PEX5L: variants seen among roughly 807,000 people sequenced by gnomAD.
PEX5L encodes peroxisomal biogenesis factor 5 like.
Under a neutral mutation model 84.0 loss-of-function variants are expected in PEX5L, and 30 were observed. That is an observed-to-expected ratio of 0.36 (90% CI 0.27 to 0.48). The LOEUF (loss-of-function observed/expected upper bound fraction) is 0.48, where lower values mean the gene tolerates loss of function less well. PEX5L is among the 20% of genes least tolerant of loss of function. PEX5L has a pLI of 0.99. For missense variants in PEX5L, 533 were observed against 754.6 expected, an observed-to-expected ratio of 0.71 and a Z score of 3.44; for synonymous variants, 270 against 283.1, an observed-to-expected ratio of 0.95 and a Z score of 0.46.
Position 179,874,338 on chromosome 3 carries a change from C to T in PEX5L, c.715G>A (p.Ala239Thr). The T allele has an allele frequency of 6.2e-7, 1 of 1,600,920 alleles. No individual in the cohort carries two copies. Among genetic ancestry groups the T allele is most frequent in the Non-Finnish European group, 8.6e-7 (1 of 1,168,590 alleles). Residue 239 changes from alanine (A) to threonine (T), a missense_variant, in exon 7 of 15, where the codon GCT becomes ACT. Physicochemically the swap from Ala to Thr is moderately conservative, Grantham distance 58. Around this residue, in one of 8 missense-constraint regions of PEX5L, gnomAD observed 259 missense variants for 301.7 expected, o/e 0.86. Transcript: ENST00000467460. Reference sequence around the variant, plus strand: ...ATCAGTTTTGTTACCTGAGTCGGAGCCACTAATTCCAATTCTGAAGCCGAC... The same window carrying T: ...ATCAGTTTTGTTACCTGAGTCGGAGTCACTAATTCCAATTCTGAAGCCGAC... Reference protein sequence around the residue: ...SESASELELVAPTQARLTKEH... With the variant: ...SESASELELVTPTQARLTKEH...
intron 2 of PEX5L, among the ~76,000 whole-genome samples, chr3:179,939,569 A>G (rs765982875): frequency 2.6e-5 from 4 of 152,242 alleles, no homozygotes; most frequent in Admixed American, 6.5e-5. Flanking sequence ...TGTTAACTAC[A>G]GATACATAGA....
At chr3:179,802,550 A>AAAAAAAG (rs1553813985) in intron 14 of PEX5L, among the ~76,000 whole-genome samples, 26 of 131,586 alleles carry the variant, frequency 2.0e-4, no homozygotes, top group Non-Finnish European at 3.4e-4. Context: ...AAAAAAAAAA[A>AAAAAAAG]AAAAGAAAAG....
rs918106744 is a variant in PEX5L at position 179,877,426 on chromosome 3, T to C, written c.506-1949A>G. Among the ~76,000 whole-genome samples the C allele has an allele frequency of 1.3e-5, 2 of 152,298 alleles. 1 individual carries two copies. Among genetic ancestry groups the C allele is most frequent in the African/African-American group, 4.8e-5 (2 of 41,582 alleles). On this transcript the variant is annotated intron_variant, in intron 5 of 14. Coordinates refer to ENST00000467460, the MANE Select transcript of PEX5L (RefSeq NM_016559.3). ...GAAGCAGAGAAATAAATGTTCATCA[T>C]TTGCATGCTTATTGTGTTATATTGT...
At chr3:179,986,236 G>A (rs1480679611) in intron 1 of PEX5L, among the ~76,000 whole-genome samples, 1 of 151,096 alleles carries the variant, frequency 6.6e-6, no homozygotes, top group Non-Finnish European at 1.5e-5. Context: ...AAACATTGTG[G>A]TTTGTTATAG....
At chr3:179,960,258 A>G (rs1449101269) in intron 2 of PEX5L, among the ~76,000 whole-genome samples, 1 of 152,218 alleles carries the variant, frequency 6.6e-6, no homozygotes, top group Non-Finnish European at 1.5e-5. Context: ...GATATATGTT[A>G]TATTCTTACA....
intron 1 of PEX5L, among the ~76,000 whole-genome samples, chr3:179,981,689 G>C (rs1300185921): frequency 6.6e-6 from 1 of 152,052 alleles, no homozygotes; most frequent in Non-Finnish European, 1.5e-5. Context: ...CAAATAATGA[G>C]AGAAAGAGAG....
intron 1 of PEX5L, among the ~76,000 whole-genome samples, chr3:180,027,926 T>C (rs1391549768): frequency 1.3e-5 from 2 of 152,188 alleles, no homozygotes; most frequent in African/African-American, 4.8e-5. Context: ...TAGACTCAGG[T>C]TGTGCATTTT....
At chr3:179,831,397 C>G (rs368375455) in intron 8 of PEX5L, among the ~76,000 whole-genome samples, 1 of 151,618 alleles carries the variant, frequency 6.6e-6, no homozygotes. Context: ...AAATATGGAA[C>G]CTCTTTGAAG....
At chr3:179,882,516 C>A (rs948798263) in intron 4 of PEX5L, among the ~76,000 whole-genome samples, 2 of 152,102 alleles carry the variant, frequency 1.3e-5, no homozygotes, top group Admixed American at 1.3e-4. Context: ...GCTTGGAGGT[C>A]GAATGGCCAG....
chr3:179,842,833 T>C (rs1201787747), intron 8 of PEX5L, among the ~76,000 whole-genome samples: 1 of 152,120 alleles, frequency 6.6e-6, no homozygotes, highest in African/African-American at 2.4e-5. Flanking sequence ...CTCTGGGCAA[T>C]ATAGTAATGA....
At chr3:180,035,670 G>A (rs1019142469) in intron 1 of PEX5L, among the ~76,000 whole-genome samples, 1 of 152,120 alleles carries the variant, frequency 6.6e-6, no homozygotes. Context: ...ATTCATAAAT[G>A]TTATACACCA....
chr3:179,833,809 TCA>T (rs977226903), intron 8 of PEX5L, among the ~76,000 whole-genome samples: 19 of 151,632 alleles, frequency 1.3e-4, no homozygotes, highest in Non-Finnish European at 2.1e-4. Context: ...TCTCTCTCTC[TCA>T]CACACACACA....
chr3:179,999,799 C>T (rs1158538503), intron 1 of PEX5L, among the ~76,000 whole-genome samples: 1 of 152,170 alleles, frequency 6.6e-6, no homozygotes, highest in Non-Finnish European at 1.5e-5. Flanking sequence ...TGGGCTCATG[C>T]TCATGGAACT....
chr3:179,945,278 G>C (rs1777202227), intron 2 of PEX5L, among the ~76,000 whole-genome samples: 1 of 152,180 alleles, frequency 6.6e-6, no homozygotes, highest in Non-Finnish European at 1.5e-5. Flanking sequence ...GGACACCAGG[G>C]CTGGGACAGA....
chr3:179,843,168 G>A (rs1291441568), intron 8 of PEX5L, among the ~76,000 whole-genome samples: 1 of 152,208 alleles, frequency 6.6e-6, no homozygotes, highest in Admixed American at 6.5e-5. Context: ...GCTGGCCCTA[G>A]GCAAAAATGA....
At chr3:180,022,166 C>T (rs550272408) in intron 1 of PEX5L, among the ~76,000 whole-genome samples, 10 of 152,116 alleles carry the variant, frequency 6.6e-5, no homozygotes, top group African/African-American at 1.9e-4. Context: ...TTGATCAATG[C>T]TATCACATTC....
At chr3:179,926,308 C>T (rs1771438131) in intron 2 of PEX5L, among the ~76,000 whole-genome samples, 1 of 152,114 alleles carries the variant, frequency 6.6e-6, no homozygotes, top group Non-Finnish European at 1.5e-5. Context: ...CATCAGTGCC[C>T]TCGGACCAGC....
intron 2 of PEX5L, among the ~76,000 whole-genome samples, chr3:179,910,925 C>T (rs1764945019): frequency 6.6e-6 from 1 of 152,122 alleles, no homozygotes; most frequent in Admixed American, 6.5e-5. Context: ...TGTCAATACA[C>T]GTATGAAGTT....
chr3:179,892,159 C>T (rs1311506148), intron 3 of PEX5L, among the ~76,000 whole-genome samples: 3 of 152,140 alleles, frequency 2.0e-5, no homozygotes, highest in Non-Finnish European at 4.4e-5. Context: ...AAATGACCCA[C>T]TTCATTAGTT....
Sources: gnomAD v4.1 joint callset for allele counts (sites outside exome capture counted in the v4.1 genomes callset) on GRCh38, gnomAD v4.1.1 for gene constraint, gnomAD v4.1.1 regional missense constraint, MANE v1.5 for transcripts, NCBI Gene and HGNC (gene_info 2026-07-23, HGNC 2026-07-21) for gene names.